Variants in KCND3 observed in about 807,000 individuals in gnomAD.
KCND3 encodes A-type voltage-gated potassium channel KCND3.
In KCND3, 9 loss-of-function variants were observed where a neutral mutation model predicts 51.1. The ratio of observed to expected loss-of-function variants is 0.18; its 90% CI spans 0.11 to 0.31. KCND3 has a LOEUF of 0.31. KCND3 is among the 10% of genes least tolerant of loss of function. KCND3 has a pLI of 1.00. For missense variants in KCND3, 526 were observed against 903.8 expected (o/e 0.58, Z 5.36); for synonymous variants, 349 against 368.0 (o/e 0.95, Z 0.59).
intron 3 of KCND3, among the ~76,000 whole-genome samples, chr1:111,782,553 C>A (rs1285552752): frequency 2.0e-5 from 3 of 152,116 alleles, no homozygotes; most frequent in Non-Finnish European, 2.9e-5. Context: ...TACATTCAAG[C>A]AAGTTCCTCA....
chr1:111,880,094 C>A (rs1669235139), intron 2 of KCND3, among the ~76,000 whole-genome samples: 1 of 152,150 alleles, frequency 6.6e-6, no homozygotes, highest in Non-Finnish European at 1.5e-5. Flanking sequence ...TACACTTTAG[C>A]CATTAGCAGA....
chr1:111,800,789 C>A (rs1665273930), intron 2 of KCND3, among the ~76,000 whole-genome samples: 1 of 152,216 alleles, frequency 6.6e-6, no homozygotes, highest in Non-Finnish European at 1.5e-5. Context: ...ACGCCCTGAC[C>A]TGGGGCATCC....
At chr1:111,838,974 A>C (rs1410022477) in intron 2 of KCND3, among the ~76,000 whole-genome samples, 1 of 152,180 alleles carries the variant, frequency 6.6e-6, no homozygotes, top group Non-Finnish European at 1.5e-5. Flanking sequence ...TACTAGGAAA[A>C]GGAAATCATT....
At chr1:111,946,477 A>G (rs941017367) in intron 2 of KCND3, among the ~76,000 whole-genome samples, 1 of 152,168 alleles carries the variant, frequency 6.6e-6, no homozygotes, top group Non-Finnish European at 1.5e-5. Flanking sequence ...TGAGTCCTTC[A>G]TGCCCTCCTT....
At chr1:111,812,124 G>A (rs1475126402) in intron 2 of KCND3, among the ~76,000 whole-genome samples, 2 of 152,202 alleles carry the variant, frequency 1.3e-5, no homozygotes, top group South Asian at 2.1e-4. Context: ...ACGGTGCCTG[G>A]TAGATGCTCA....
intron 2 of KCND3, among the ~76,000 whole-genome samples, chr1:111,889,685 G>A (rs1045155907): frequency 6.6e-6 from 1 of 152,128 alleles, no homozygotes; most frequent in Admixed American, 6.5e-5. Context: ...GAAGCACACA[G>A]TTTTCACATA....
intron 2 of KCND3, among the ~76,000 whole-genome samples, chr1:111,915,579 C>T (rs1210808994): frequency 2.6e-5 from 4 of 151,824 alleles, no homozygotes; most frequent in East Asian, 1.9e-4. Context: ...GGTGAAACCC[C>T]GTCTCTACTA....
At chr1:111,786,015 C>G (rs1664590057) in intron 3 of KCND3, among the ~76,000 whole-genome samples, 1 of 152,264 alleles carries the variant, frequency 6.6e-6, no homozygotes, top group African/African-American at 2.4e-5. Context: ...CAGAAAGGCT[C>G]TGGCCATAAC....
At chr1:111,812,583 C>G (rs1043921284) in intron 2 of KCND3, among the ~76,000 whole-genome samples, 3 of 152,224 alleles carry the variant, frequency 2.0e-5, no homozygotes, top group Non-Finnish European at 2.9e-5. Context: ...GGACCTTTTA[C>G]ATTTTTAATC....
intron 2 of KCND3, among the ~76,000 whole-genome samples, chr1:111,950,331 T>C (rs1422686593): frequency 6.6e-6 from 1 of 152,222 alleles, no homozygotes; most frequent in African/African-American, 2.4e-5. Flanking sequence ...TGTGACCTAC[T>C]AATGGGCTGG....
chr1:111,967,217 TACTC>T (rs1395505092), intron 2 of KCND3, among the ~76,000 whole-genome samples: 4 of 147,644 alleles, frequency 2.7e-5, no homozygotes, highest in African/African-American at 1.0e-4. Context: ...TCCCTGGAAA[TACTC>T]AGGCAGACCT....
intron 2 of KCND3, among the ~76,000 whole-genome samples, chr1:111,917,705 G>C (rs1257503864): frequency 6.6e-6 from 1 of 152,280 alleles, no homozygotes; most frequent in African/African-American, 2.4e-5. Context: ...GACAGGGCAG[G>C]TAGAATTATC....
intron 2 of KCND3, among the ~76,000 whole-genome samples, chr1:111,956,049 A>G (rs1386724332): frequency 1.3e-5 from 2 of 152,022 alleles, no homozygotes; most frequent in African/African-American, 4.8e-5. Flanking sequence ...TATTACCTTT[A>G]ATTTACAGAT....
chr1:111,867,275 C>T (rs1668623639), intron 2 of KCND3, among the ~76,000 whole-genome samples: 1 of 152,134 alleles, frequency 6.6e-6, no homozygotes, highest in African/African-American at 2.4e-5. Context: ...CCTTGGCATG[C>T]CTGATGCCTG....
At chr1:111,777,562 T>C (rs1664184970) in intron 6 of KCND3, among the ~76,000 whole-genome samples, 1 of 152,140 alleles carries the variant, frequency 6.6e-6, no homozygotes, top group Non-Finnish European at 1.5e-5. Flanking sequence ...TGAAGGGACA[T>C]AGAGGACACA....
chr1:111,837,524 G>A (rs565205258), intron 2 of KCND3, among the ~76,000 whole-genome samples: 116 of 152,278 alleles, frequency 7.6e-4, no homozygotes, highest in South Asian at 6.2e-4. Flanking sequence ...GACTGGGCTC[G>A]TAAAGCTAGT....
At chr1:111,865,294 G>T (rs1316645300) in intron 2 of KCND3, among the ~76,000 whole-genome samples, 1 of 152,244 alleles carries the variant, frequency 6.6e-6, no homozygotes, top group African/African-American at 2.4e-5. Flanking sequence ...CTTGCCTTCG[G>T]CTATTGAAGC....
At position 111,911,575 on chromosome 1, in the gene KCND3, C is replaced by T. The variant is rs77203977; in HGVS notation, c.1106+70046G>A. 8.2e-3 allele frequency among the ~76,000 whole-genome samples: 1,249 copies of T among 152,254 alleles called. 14 individuals are homozygous for T. Among genetic ancestry groups the T allele is most frequent in the African/African-American group, 0.028 (1,173 of 41,528 alleles). On this transcript the variant is annotated intron_variant, in intron 2 of 7. Coordinates refer to ENST00000302127, the MANE Select transcript of KCND3 (RefSeq NM_001378969.1). ...TATATAGTTATATAGCAGTGAACAA[C>T]ACAGACTTAGTGAAGACTGTTGACC... is the stretch of plus-strand genomic sequence containing the variant.
chr1:111,811,099 CA>C (rs1304561496), intron 2 of KCND3, among the ~76,000 whole-genome samples: 12 of 152,272 alleles, frequency 7.9e-5, no homozygotes, highest in Non-Finnish European at 1.5e-4. Flanking sequence ...AACTGATGAT[CA>C]GGGGAGAGGG....
Sources: gnomAD v4.1 joint callset for allele counts (sites outside exome capture counted in the v4.1 genomes callset) on GRCh38, gnomAD v4.1.1 for gene constraint, MANE v1.5 for transcripts, NCBI Gene and HGNC (gene_info 2026-07-23, HGNC 2026-07-21) for gene names.